PEMT: variants seen among roughly 807,000 people sequenced by gnomAD.
PEMT encodes the protein phosphatidylethanolamine N-methyltransferase.
A neutral mutation model predicts 27.4 loss-of-function variants in PEMT; 23 were observed. The ratio of observed to expected loss-of-function variants is 0.84; its 90% CI spans 0.60 to 1.19. PEMT has a LOEUF of 1.19. PEMT is among the 50% of genes most tolerant of loss of function. The pLI, the probability that PEMT is intolerant of heterozygous loss-of-function variation, is 0.00. For synonymous variants in PEMT, 137 were observed against 139.1 expected (o/e 0.98, Z 0.11); for missense variants, 307 against 310.1 (o/e 0.99, Z 0.07).
At chr17:17,508,396 C>T (rs1173616279) in intron 5 of PEMT, 5 of 189,558 alleles carry the variant, frequency 2.6e-5, no homozygotes, top group Middle Eastern at 2.2e-3. Flanking sequence ...CCAGCCAGAC[C>T]CACAGCCCCC....
At chr17:17,563,382 A>G (rs1252851801) in intron 2 of PEMT, among the ~76,000 whole-genome samples, 2 of 152,036 alleles carry the variant, frequency 1.3e-5, no homozygotes, top group Non-Finnish European at 2.9e-5. Flanking sequence ...CAATAACCGC[A>G]TCCGCAGGGG....
chr17:17,530,479 A>AGT (rs1353266190), intron 2 of PEMT, among the ~76,000 whole-genome samples: 1 of 151,990 alleles, frequency 6.6e-6, no homozygotes, highest in South Asian at 2.1e-4. Flanking sequence ...TGGGTGACAG[A>AGT]GAGACTCCGT....
chr17:17,526,350 G>A (rs2142552549), intron 2 of PEMT, among the ~76,000 whole-genome samples: 1 of 152,328 alleles, frequency 6.6e-6, no homozygotes, highest in East Asian at 1.9e-4. Context: ...TTCGCCAAAA[G>A]CCGACAGCAC....
intron 5 of PEMT, chr17:17,507,150 A>C (rs1662616006): frequency 3.2e-6 from 5 of 1,557,588 alleles, no homozygotes; most frequent in Non-Finnish European, 4.3e-6. Context: ...GCTGTCCCCC[A>C]ATCTATTTCT....
At chr17:17,548,705 C>T (rs552498365) in intron 2 of PEMT, among the ~76,000 whole-genome samples, 29 of 152,290 alleles carry the variant, frequency 1.9e-4, no homozygotes, top group Non-Finnish European at 4.0e-4. Context: ...TGCACCACCA[C>T]GCCTGGCTAA....
intron 5 of PEMT, 102 bp from the exon 6 acceptor site, chr17:17,506,403 C>T (rs1017522993): frequency 6.2e-5 from 50 of 811,358 alleles, no homozygotes; most frequent in Non-Finnish European, 8.3e-5. Context: ...CCTGGCCCTC[C>T]GGCCGACGCT....
intron 1 of PEMT, among the ~76,000 whole-genome samples, chr17:17,591,159 CA>C (rs1212253437): frequency 1.3e-5 from 2 of 152,220 alleles, no homozygotes; most frequent in East Asian, 1.9e-4. Context: ...CATACACACT[CA>C]CACTCACTCT....
At chr17:17,574,031 T>A (rs1287266357) in intron 2 of PEMT, among the ~76,000 whole-genome samples, 6 of 152,000 alleles carry the variant, frequency 3.9e-5, no homozygotes, top group African/African-American at 1.4e-4. Flanking sequence ...ATCCACCCAC[T>A]GGGCTTCTGG....
chr17:17,545,321 G>A (rs989518976), intron 2 of PEMT, among the ~76,000 whole-genome samples: 2 of 152,194 alleles, frequency 1.3e-5, no homozygotes, highest in African/African-American at 4.8e-5. Context: ...GGTCTGTCCA[G>A]GGTGTGCCCG....
chr17:17,541,367 C>T (rs905769199), intron 2 of PEMT, among the ~76,000 whole-genome samples: 4 of 152,224 alleles, frequency 2.6e-5, no homozygotes, highest in Non-Finnish European at 4.4e-5. Flanking sequence ...TCCTAAAACC[C>T]AGGCTGCCCA....
At chr17:17,536,731 G>A (rs1015684982) in intron 2 of PEMT, among the ~76,000 whole-genome samples, 5 of 152,206 alleles carry the variant, frequency 3.3e-5, no homozygotes, top group East Asian at 1.9e-4. Context: ...ACACCTGCCC[G>A]TCCACCAGGT....
chr17:17,540,228 C>T (rs1213049233), intron 2 of PEMT, among the ~76,000 whole-genome samples: 1 of 152,200 alleles, frequency 6.6e-6, no homozygotes, highest in Non-Finnish European at 1.5e-5. Flanking sequence ...CCTTCCAATC[C>T]CAGCTCCAAC....
At chr17:17,574,256 A>C (rs1911417342) in intron 2 of PEMT, among the ~76,000 whole-genome samples, 1 of 145,390 alleles carries the variant, frequency 6.9e-6, no homozygotes, top group South Asian at 2.2e-4. Context: ...AAAAAAAAAA[A>C]AAAAAAAAAC....
rs535431508 is a variant in PEMT at position 17,513,948 on chromosome 17, G to A, written c.321-1294C>T. Among the ~76,000 whole-genome samples, 9 of 152,220 alleles carry A rather than the reference G, an allele frequency of 5.9e-5. No homozygotes were observed. In the South Asian group the frequency reaches 1.9e-3, roughly 32 times the overall value. The stretch of plus-strand genomic sequence containing the variant: ...GCCTTTCACACCCAGTCTGTAGACG[G>A]CATCTCCCAGCAGGGCCAGCTTACC... On this transcript the variant is annotated intron_variant, in intron 3 of 6. Transcript: ENST00000255389. The surrounding 1 kb of genome is among the most constrained non-coding windows in gnomAD (Gnocchi z 4.1).
rs1308950534 is a variant in PEMT, at chr17:17,513,500, G to A, written c.321-846C>T. On this transcript the variant is annotated intron_variant, in intron 3 of 6. Coordinates refer to ENST00000255389, the MANE Select transcript of PEMT (RefSeq NM_148172.3). The surrounding 1 kb of genome is among the most constrained non-coding windows in gnomAD (Gnocchi z 4.1). The stretch of plus-strand genomic sequence containing the variant: ...GAATCCCAGCTACTTGAGAGGCTGG[G>A]GCACAAGAATCGCTTGAACCCAGGA... Among the ~76,000 whole-genome samples the A allele has an allele frequency of 6.6e-6, 1 of 152,162 alleles. No homozygotes were observed. The highest frequency in any genetic ancestry group is 1.5e-5 in the Non-Finnish European group (1 of 68,024).
chr17:17,566,791 G>A (rs1248175089), intron 2 of PEMT, among the ~76,000 whole-genome samples: 1 of 152,206 alleles, frequency 6.6e-6, no homozygotes, highest in African/African-American at 2.4e-5. Context: ...GGCAGGTCGC[G>A]AACGAACCTC....
chr17:17,591,552 G>A lies in PEMT; in HGVS notation c.75C>T (p.Leu25=). ...GTACCTGTCTAAAATCAATATTGCC[G>A]AGGCCTCCGCAGCAGTCAGGCCCTG... ...SVAGPDCCGG[L]GNIDFRQADF... is the part of the protein sequence containing the mutation. The change falls in exon 1 of 7, where the codon CTC becomes CTT. Residue 25 remains leucine (L), a synonymous_variant. Transcript: ENST00000255389. 1 of 1,613,486 alleles carries A rather than the reference G, an allele frequency of 6.2e-7. No homozygotes were observed. Among genetic ancestry groups the A allele is most frequent in the Non-Finnish European group, 8.5e-7 (1 of 1,179,592 alleles).
rs1012519457 is a variant in PEMT at position 17,561,021 on chromosome 17, G to A, written c.204+15899C>T. Among the ~76,000 whole-genome samples, 1 of 152,040 alleles carries A rather than the reference G, an allele frequency of 6.6e-6. No homozygotes were observed. Among genetic ancestry groups the A allele is most frequent in the Non-Finnish European group, 1.5e-5 (1 of 67,998 alleles). On this transcript the variant is annotated intron_variant, in intron 2 of 6. Coordinates refer to ENST00000255389, the MANE Select transcript of PEMT (RefSeq NM_148172.3). This position sits in a 1 kb window ranked among gnomAD's most constrained non-coding sequence, Gnocchi z 4.5. ...ACTGAAGATAGCAAGGACCCCGGCC[G>A]CGCCTTCCTCTCCCCTCTCTCCTCC... is the stretch of plus-strand genomic sequence containing the variant.
chr17:17,510,497 C>A (rs1175523089), intron 4 of PEMT, among the ~76,000 whole-genome samples: 1 of 152,216 alleles, frequency 6.6e-6, no homozygotes, highest in Non-Finnish European at 1.5e-5. Flanking sequence ...GGTCCAGGAG[C>A]TTCATCACCA....
Sources: gnomAD v4.1 joint callset for allele counts (sites outside exome capture counted in the v4.1 genomes callset) on GRCh38, gnomAD v4.1.1 for gene constraint, Gnocchi (gnomAD v3.1) non-coding constraint, MANE v1.5 for transcripts, NCBI Gene and HGNC (gene_info 2026-07-23, HGNC 2026-07-21) for gene names.